The following NFYA variants were observed in gnomAD, a reference collection of about 807,000 sequenced individuals.
The protein encoded by NFYA is nuclear transcription factor Y subunit alpha.
NFYA carries 28 observed loss-of-function variants against 52.8 expected under a neutral mutation model. That is an observed-to-expected ratio of 0.53 (90% CI 0.39 to 0.73). The LOEUF (loss-of-function observed/expected upper bound fraction) is 0.73, where lower values mean the gene tolerates loss of function less well. Ranked by LOEUF, NFYA falls within the 30% of genes least tolerant of loss-of-function variation. NFYA has a pLI of 0.00. For missense variants in NFYA, 234 were observed against 427.0 expected (o/e 0.55, Z 3.98); for synonymous variants, 150 against 150.7 (o/e 1.00, Z 0.03).
At chr6:41,081,281 A>C (rs2113795417) in intron 3 of NFYA, among the ~76,000 whole-genome samples, 1 of 152,228 alleles carries the variant, frequency 6.6e-6, no homozygotes, top group Middle Eastern at 3.4e-3. Flanking sequence ...CGAGGTCAGG[A>C]GATCGAGACC....
chr6:41,095,402 G>T (rs1398978075), intron 9 of NFYA, among the ~76,000 whole-genome samples: 1 of 152,072 alleles, frequency 6.6e-6, no homozygotes, highest in African/African-American at 2.4e-5. Context: ...TATCTGTTAG[G>T]TCTGGGTTTA....
In NFYA at chr6:41,079,043, G is replaced by A; in HGVS notation, c.-47G>A. On this transcript the variant is annotated 5_prime_UTR_variant, in exon 2 of 10. Coordinates refer to ENST00000341376, the MANE Select transcript of NFYA (RefSeq NM_002505.5). ...CTTTCTAACAGGAGTGTACCTCACA[G>A]CCTTCTAGGATCTCCAGAGTGGACA... 1 of 1,581,152 alleles carries A rather than the reference G, an allele frequency of 6.3e-7. No individual in the cohort carries two copies. Among genetic ancestry groups the A allele is most frequent in the Non-Finnish European group, 8.7e-7 (1 of 1,151,560 alleles).
intron 9 of NFYA, among the ~76,000 whole-genome samples, chr6:41,096,054 C>T (rs1408164449): frequency 6.6e-6 from 1 of 152,156 alleles, no homozygotes; most frequent in African/African-American, 2.4e-5. Context: ...CTCTAATTGG[C>T]CTTATATAGT....
In NFYA at chr6:41,090,198, CTCCAGACACAGCAGCAGATTGCTG is replaced by C; in HGVS notation, c.442_465del (p.Thr148_Gln155del). 5 of 1,588,186 alleles carry C rather than the reference CTCCAGACACAGCAGCAGATTGCTG, an allele frequency of 3.1e-6. No homozygotes were observed. In the African/African-American group the frequency reaches 4.0e-5, roughly 13 times the overall value. On this transcript the variant is annotated splice_acceptor_variant and splice_polypyrimidine_tract_variant and coding_sequence_variant and intron_variant, in exon 6 of 10. Transcript: ENST00000341376. LOFTEE classifies it high-confidence loss of function. ...GTTGAATTGTGTCATTACTTATTTCCTCCAGACACAGCAGCAGATTGCTGTCCAGGGACAGCAAGTGGCACAGAC... is the reference window on the plus strand; with the variant it reads ...GTTGAATTGTGTCATTACTTATTTCCTCCAGGGACAGCAAGTGGCACAGAC...
At chr6:41,081,265 G>A (rs1192154716) in intron 3 of NFYA, among the ~76,000 whole-genome samples, 7 of 152,126 alleles carry the variant, frequency 4.6e-5, no homozygotes, top group African/African-American at 1.7e-4. Context: ...CGAGGCAGGC[G>A]GATCACGAGG....
chr6:41,086,921 T>TC (rs1561853377), intron 4 of NFYA, among the ~76,000 whole-genome samples: 1 of 152,016 alleles, frequency 6.6e-6, no homozygotes, highest in African/African-American at 2.4e-5. Context: ...CAAAAGAAAA[T>TC]ATAAGAATTT....
At chr6:41,095,288 A>G (rs1220284257) in intron 9 of NFYA, among the ~76,000 whole-genome samples, 1 of 152,044 alleles carries the variant, frequency 6.6e-6, no homozygotes, top group Non-Finnish European at 1.5e-5. Flanking sequence ...CTTGGTCTCT[A>G]TGCTGCTGTT....
Position 41,099,368 on chromosome 6 carries a change from C to G in NFYA, c.*1958C>G, listed in dbSNP as rs1048128276. 1 of 152,236 alleles carries G rather than the reference C, an allele frequency of 6.6e-6. No individual in the cohort carries two copies. Among genetic ancestry groups the G allele is most frequent in the Non-Finnish European group, 1.5e-5 (1 of 68,050 alleles). 9.4% of individuals were successfully genotyped at this position (152,236 alleles called of 1,614,324 possible). On this transcript the variant is annotated 3_prime_UTR_variant, in exon 10 of 10. Transcript: ENST00000341376. The stretch of plus-strand genomic sequence containing the variant: ...TAACTTTGAGTGCTTAAGCTGCCAA[C>G]AGTTAGAAGATGCTATTTATTTGTG...
At chr6:41,088,292 G>A (rs981707449) in intron 4 of NFYA, among the ~76,000 whole-genome samples, 6 of 151,582 alleles carry the variant, frequency 4.0e-5, no homozygotes, top group Admixed American at 1.3e-4. Context: ...GCGTGATGGC[G>A]GACGCCTGTA....
Position 41,094,441 on chromosome 6 carries a change from C to T in NFYA, c.934C>T (p.Arg312Cys). The change falls in exon 9 of 10, where the codon CGT becomes TGT. Residue 312 changes from arginine to cysteine, a missense_variant. By Grantham distance (180) the Arg-to-Cys change is radical. Coordinates refer to ENST00000341376, the MANE Select transcript of NFYA (RefSeq NM_002505.5). ...SRHRHAMARK[R>C]GEGGRFFSPK... ...GCACCGTCATGCCATGGCACGGAAG[C>T]GTGGTGAAGGTGGACGATTTTTCTC... 1 of 1,614,122 alleles carries T rather than the reference C, an allele frequency of 6.2e-7. No individual in the cohort carries two copies. The highest frequency in any genetic ancestry group is 8.5e-7 in the Non-Finnish European group (1 of 1,180,006).
At chr6:41,083,879 T>C (rs1306409368) in intron 3 of NFYA, among the ~76,000 whole-genome samples, 167 bp from the exon 4 acceptor site, 1 of 152,254 alleles carries the variant, frequency 6.6e-6, no homozygotes, top group East Asian at 1.9e-4. Flanking sequence ...GTAACAGGAT[T>C]CATAGATATT....
At chr6:41,073,807 G>T (rs1048698605) in intron 1 of NFYA, among the ~76,000 whole-genome samples, 1 of 151,968 alleles carries the variant, frequency 6.6e-6, no homozygotes, top group Non-Finnish European at 1.5e-5. Flanking sequence ...AGCCCGCTCC[G>T]CCCGGGTCTC....
chr6:41,094,095 T>A (rs1029081518), intron 8 of NFYA, among the ~76,000 whole-genome samples: 1 of 152,146 alleles, frequency 6.6e-6, no homozygotes, highest in Non-Finnish European at 1.5e-5. Flanking sequence ...CAAACGAAAT[T>A]TGGCCTGTTA....
intron 4 of NFYA, among the ~76,000 whole-genome samples, chr6:41,085,632 G>T (rs529602637): frequency 3.9e-4 from 60 of 152,046 alleles, no homozygotes; most frequent in Admixed American, 1.3e-3. Context: ...AATTTAAGTT[G>T]AAAAAAGCAG....
At chr6:41,076,601 G>A (rs1272434447) in intron 1 of NFYA, among the ~76,000 whole-genome samples, 2 of 152,224 alleles carry the variant, frequency 1.3e-5, no homozygotes, top group Non-Finnish European at 2.9e-5. Context: ...GGGGCAAAGA[G>A]AATTGCACTG....
chr6:41,080,659 C>G (rs1332097588), intron 2 of NFYA, 152 bp from the exon 3 acceptor site: 5 of 559,336 alleles, frequency 8.9e-6, no homozygotes, highest in Admixed American at 8.8e-5. Flanking sequence ...ATCCTACTAC[C>G]TTCAACAAAA....
intron 2 of NFYA, among the ~76,000 whole-genome samples, chr6:41,080,044 G>A (rs1763864918): frequency 1.3e-5 from 2 of 152,312 alleles, no homozygotes; most frequent in South Asian, 4.1e-4. Context: ...TCACACCAGT[G>A]CCCTGGAGGG....
chr6:41,097,427 G>T lies in NFYA; in HGVS notation c.*17G>T. 6.2e-7 allele frequency: 1 copy of T among 1,613,146 alleles called. No homozygotes were observed. The highest frequency in any genetic ancestry group is 1.1e-5 in the South Asian group (1 of 90,998). ...GTGTCCTAACCCCACGCCATGTGAT[G>T]GAGCTGATCAAGGTCATGTTTCTCA... On this transcript the variant is annotated 3_prime_UTR_variant, in exon 10 of 10. Transcript: ENST00000341376.
intron 2 of NFYA, 75 bp from the exon 3 acceptor site, chr6:41,080,735 AG>A: frequency 8.3e-7 from 1 of 1,206,092 alleles, no homozygotes; most frequent in Non-Finnish European, 1.2e-6. Flanking sequence ...CTCCTCCAAG[AG>A]GTAAGGTGAT....
Sources: allele counts gnomAD v4.1 joint callset (sites outside exome capture counted in the v4.1 genomes callset), GRCh38; gene constraint gnomAD v4.1.1; transcripts MANE v1.5; gene names NCBI Gene and HGNC (gene_info 2026-07-23, HGNC 2026-07-21).